The following CIB1 variants were observed in gnomAD, a reference collection of about 807,000 sequenced individuals.
CIB1 encodes the protein calcium and integrin binding 1.
In CIB1, 19 loss-of-function variants were observed where a neutral mutation model predicts 25.0. That is an observed-to-expected ratio of 0.76 (90% CI 0.53 to 1.12). CIB1 has a LOEUF of 1.12. Ranked by LOEUF, CIB1 falls within the 50% of genes most tolerant of loss-of-function variation. CIB1 has a pLI of 0.00. For synonymous variants in CIB1, 104 were observed against 98.5 expected (o/e 1.06, Z -0.33); for missense variants, 236 against 242.6 (o/e 0.97, Z 0.18).
chr15:90,250,252 C>T, the CIB1 span, among the ~76,000 whole-genome samples: 20 of 152,106 alleles, frequency 1.3e-4, no homozygotes, highest in African/African-American at 4.1e-4. Flanking sequence ...TATTTTAAAG[C>T]GAAGGTCCCC....
the CIB1 span, chr15:90,257,275 C>T: frequency 3.7e-6 from 6 of 1,611,398 alleles, no homozygotes; most frequent in Admixed American, 8.5e-5. Flanking sequence ...CCAGCCATAA[C>T]AACCTGGTAA....
At chr15:90,255,545 ATG>A in the CIB1 span, among the ~76,000 whole-genome samples, 1 of 151,836 alleles carries the variant, frequency 6.6e-6, no homozygotes, top group Non-Finnish European at 1.5e-5. Flanking sequence ...CTCAGTGTGG[ATG>A]TGTGTGTTGG....
chr15:90,258,191 T>G, the CIB1 span: 1 of 1,614,164 alleles, frequency 6.2e-7, no homozygotes, highest in East Asian at 2.2e-5. Flanking sequence ...AGTATCTGAA[T>G]GGAGGTACAT....
the CIB1 span, among the ~76,000 whole-genome samples, chr15:90,247,556 GGACAAT>G: frequency 6.6e-6 from 1 of 151,444 alleles, no homozygotes; most frequent in Admixed American, 6.6e-5. Flanking sequence ...TACCTATCAA[GGACAAT>G]AACTACCATG....
At chr15:90,241,617 C>T in the CIB1 span, 2 of 1,614,050 alleles carry the variant, frequency 1.2e-6, no homozygotes, top group Non-Finnish European at 1.7e-6. Flanking sequence ...GCCAAGCGAG[C>T]CCCTGGACCC....
the CIB1 span, among the ~76,000 whole-genome samples, chr15:90,246,188 G>A: frequency 3.9e-5 from 6 of 152,040 alleles, no homozygotes; most frequent in South Asian, 1.0e-3. Flanking sequence ...CGGAAGAATC[G>A]CTTCAACCCA....
chr15:90,251,442 A>T, the CIB1 span: 1 of 1,157,926 alleles, frequency 8.6e-7, no homozygotes, highest in Non-Finnish European at 1.3e-6. Context: ...TCTGTCTTTT[A>T]AGTGGCTTCT....
chr15:90,258,745 A>G, the CIB1 span: 3 of 1,613,970 alleles, frequency 1.9e-6, no homozygotes, highest in Non-Finnish European at 1.7e-6. Context: ...CCTGGCAGGT[A>G]AACCACTCTC....
chr15:90,252,090 A>G, the CIB1 span, among the ~76,000 whole-genome samples: 115 of 141,060 alleles, frequency 8.2e-4, no homozygotes, highest in African/African-American at 2.9e-3. Flanking sequence ...CCCAGGCTGG[A>G]ATGCAATGGC....
chr15:90,247,039 G>C, the CIB1 span, among the ~76,000 whole-genome samples: 1 of 150,522 alleles, frequency 6.6e-6, no homozygotes, highest in Admixed American at 6.6e-5. Context: ...GCAGTGGCAC[G>C]ATCTTGGCTC....
chr15:90,237,849 G>A (rs1033813696), upstream of CIB1, among the ~76,000 whole-genome samples: 2 of 152,154 alleles, frequency 1.3e-5, no homozygotes, highest in African/African-American at 4.8e-5. Context: ...CTACTTGGGA[G>A]GCTGAGGTGG....
the CIB1 span, chr15:90,240,744 C>T: frequency 1.4e-5 from 8 of 573,912 alleles, no homozygotes; most frequent in Non-Finnish European, 2.4e-5. Context: ...ACCCAGGAGG[C>T]GGAGGTTACA....
the CIB1 span, chr15:90,258,890 C>T: frequency 2.6e-5 from 42 of 1,614,050 alleles, no homozygotes; most frequent in South Asian, 2.0e-4. Context: ...AGTCAAGGAA[C>T]GGCTTTTCCA....
At chr15:90,249,705 A>G in the CIB1 span, 13 of 152,372 alleles carry the variant, frequency 8.5e-5, no homozygotes, top group Non-Finnish European at 1.5e-4. Context: ...ACGCCCAGGG[A>G]GACCTGGAGC....
intron 2 of CIB1, 187 bp from the exon 3 acceptor site, chr15:90,232,514 T>C: frequency 2.4e-6 from 2 of 831,204 alleles, no homozygotes; most frequent in Non-Finnish European, 3.4e-6. Context: ...TAGGAGTCTA[T>C]TCTTGCAATG....
At chr15:90,260,830 G>A in the CIB1 span, among the ~76,000 whole-genome samples, 337 of 142,938 alleles carry the variant, frequency 2.4e-3, 1 homozygote, top group Admixed American at 5.3e-3. Flanking sequence ...CAGCCTGGGC[G>A]ATAGAGCAGG....
chr15:90,253,152 CTCGGG>C, the CIB1 span: 3 of 824,422 alleles, frequency 3.6e-6, no homozygotes, highest in South Asian at 4.1e-5. Flanking sequence ...TCAACCTGCC[CTCGGG>C]TCAGGTGTAT....
chr15:90,260,912 C>T, the CIB1 span, among the ~76,000 whole-genome samples: 99 of 151,104 alleles, frequency 6.6e-4, no homozygotes, highest in Non-Finnish European at 8.8e-4. Flanking sequence ...CACGCATGCA[C>T]GCACAAGCTA....
chr15:90,248,651 T>A, the CIB1 span, among the ~76,000 whole-genome samples: 1 of 126,960 alleles, frequency 7.9e-6, no homozygotes, highest in African/African-American at 3.1e-5. Flanking sequence ...GGAAGCTAAG[T>A]AAAGTTGCAG....
Sources: allele counts gnomAD v4.1 joint callset (sites outside exome capture counted in the v4.1 genomes callset), GRCh38; gene constraint gnomAD v4.1.1; transcripts MANE v1.5; gene names NCBI Gene and HGNC (gene_info 2026-07-23, HGNC 2026-07-21).